Variants in GRIP1 observed in about 807,000 individuals in gnomAD.
GRIP1 encodes the protein glutamate receptor-interacting protein 1.
In GRIP1, 45 loss-of-function variants were observed where a neutral mutation model predicts 129.9. The observed-to-expected ratio is 0.35, with a 90% confidence interval of 0.27 to 0.44. GRIP1 has a LOEUF of 0.44. Among genes scored for constraint, GRIP1 ranks in the 20% least tolerant of loss-of-function variants. The pLI is 1.00. For missense variants in GRIP1, 1,196 were observed against 1,396.8 expected, an observed-to-expected ratio of 0.86 and a Z score of 2.29; for synonymous variants, 530 against 520.8, an observed-to-expected ratio of 1.02 and a Z score of -0.24.
At position 66,779,497 on chromosome 12, in the gene GRIP1, T is replaced by C. The variant is rs533198837; in HGVS notation, c.-420+24556A>G. 5.9e-5 allele frequency among the ~76,000 whole-genome samples: 9 copies of C among 152,354 alleles called. No individual in the cohort carries two copies. In the South Asian group the frequency reaches 1.7e-3, roughly 28 times the overall value. On this transcript the variant is annotated intron_variant, in intron 1 of 4. Transcript: ENST00000538373. ...GAAGACCTTCTGGGCATATTCCTCA[T>C]GAATGTCACACGTTTATTGTATCAA... is the stretch of plus-strand genomic sequence containing the variant.
intron 1 of GRIP1, among the ~76,000 whole-genome samples, chr12:67,059,140 G>A (rs984175702): frequency 2.0e-5 from 3 of 152,188 alleles, no homozygotes; most frequent in Non-Finnish European, 4.4e-5. Context: ...AAGACAGGTG[G>A]AACTGAGCAC....
intron 19 of GRIP1, among the ~76,000 whole-genome samples, chr12:66,388,516 G>C (rs1020070918): frequency 2.0e-5 from 3 of 152,194 alleles, no homozygotes; most frequent in African/African-American, 7.2e-5. Context: ...AAGTAAAGCA[G>C]TCATAGGGTT....
chr12:67,067,604 A>G lies in GRIP1; in HGVS notation c.58+1446T>C, dbSNP rs146269991. Among the ~76,000 whole-genome samples the G allele has an allele frequency of 6.2e-3, 940 of 152,330 alleles. 11 individuals carry two copies. Among genetic ancestry groups the G allele is most frequent in the African/African-American group, 0.02 (851 of 41,578 alleles). Reference sequence around the variant, plus strand: ...AAAGTGTGCTGGAAAATGAATGCACATATCTAATAAGGAGGTGCTTAAAAA... The same window carrying G: ...AAAGTGTGCTGGAAAATGAATGCACGTATCTAATAAGGAGGTGCTTAAAAA... On this transcript the variant is annotated intron_variant, in intron 1 of 1. Transcript: ENST00000643019.
At chr12:66,589,760 G>A (rs74411262) in intron 2 of GRIP1, among the ~76,000 whole-genome samples, 2,218 of 152,168 alleles carry the variant, frequency 0.015, 62 homozygotes, top group African/African-American at 0.051. Flanking sequence ...CAAAAATCAT[G>A]AGGATGACAT....
At chr12:66,677,614 A>G (rs981217427) in intron 1 of GRIP1, among the ~76,000 whole-genome samples, 2 of 152,138 alleles carry the variant, frequency 1.3e-5, no homozygotes, top group African/African-American at 4.8e-5. Context: ...TAAAATGTAT[A>G]ATCTTCCCTA....
At chr12:66,743,722 T>C (rs1263903169) in intron 1 of GRIP1, among the ~76,000 whole-genome samples, 1 of 152,030 alleles carries the variant, frequency 6.6e-6, no homozygotes, top group Non-Finnish European at 1.5e-5. Context: ...CATTATCCAA[T>C]AAAGCCAGAC....
At chr12:66,995,386 T>C (rs1425713594) in intron 1 of GRIP1, among the ~76,000 whole-genome samples, 1 of 152,034 alleles carries the variant, frequency 6.6e-6, no homozygotes, top group East Asian at 1.9e-4. Context: ...CTTCAAAGGA[T>C]ACCATCAATA....
intron 1 of GRIP1, among the ~76,000 whole-genome samples, chr12:66,691,880 C>T (rs2034994495): frequency 6.6e-6 from 1 of 152,104 alleles, no homozygotes; most frequent in Non-Finnish European, 1.5e-5. Context: ...GCACCAACCG[C>T]TAAGACCCAC....
intron 1 of GRIP1, among the ~76,000 whole-genome samples, chr12:66,603,070 G>A (rs1048620512): frequency 6.6e-6 from 1 of 150,676 alleles, no homozygotes; most frequent in Non-Finnish European, 1.5e-5. Context: ...ATGTTGCCCA[G>A]GCTGGTCTCA....
rs922028515 is a variant in GRIP1, at chr12:66,622,945, A to G, written c.56-26018T>C. 2.6e-5 allele frequency among the ~76,000 whole-genome samples: 4 copies of G among 152,174 alleles called. No homozygotes were observed. In the East Asian group the frequency reaches 7.7e-4, roughly 29 times the overall value. ...TATGTTGTTTACTACAAGATTTACT[A>G]TACAGAATTACTGTTTACTTAGCTG... On this transcript the variant is annotated intron_variant, in intron 1 of 24. Transcript: ENST00000359742.
At chr12:66,949,760 CTTTTTTTTTT>C (rs781123585) in intron 1 of GRIP1, among the ~76,000 whole-genome samples, 1 of 85,424 alleles carries the variant, frequency 1.2e-5, no homozygotes, top group Non-Finnish European at 2.2e-5. Flanking sequence ...CATGCTCCTC[CTTTTTTTTTT>C]TTTTTTTTTT....
At chr12:67,019,252 C>A (rs2042831150) in intron 1 of GRIP1, among the ~76,000 whole-genome samples, 1 of 152,148 alleles carries the variant, frequency 6.6e-6, no homozygotes, top group African/African-American at 2.4e-5. Flanking sequence ...ACAGGCAGTC[C>A]AAGAATCTGC....
At position 66,836,259 on chromosome 12, in the gene GRIP1, T is replaced by C. The variant is rs1487590500; in HGVS notation, c.58+232791A>G. Among the ~76,000 whole-genome samples, 7 of 152,124 alleles carry C rather than the reference T, an allele frequency of 4.6e-5. 1 individual carries two copies. The East Asian group carries it at 1.2e-3, about 25-fold the overall frequency. ...CTCAAAACTCAGCATCTCTAAATGC[T>C]TGGAGAAGAGTTCAAGCCCAGGAAC... On this transcript the variant is annotated intron_variant, in intron 1 of 1. Coordinates refer to the GRIP1 transcript ENST00000643019.
chr12:66,913,508 C>T (rs2137322992), intron 1 of GRIP1, among the ~76,000 whole-genome samples: 1 of 152,312 alleles, frequency 6.6e-6, no homozygotes, highest in African/African-American at 2.4e-5. Flanking sequence ...GATCTTCCAA[C>T]TGAAATTAAC....
At chr12:66,997,652 G>C (rs1223257975) in intron 1 of GRIP1, among the ~76,000 whole-genome samples, 1 of 152,148 alleles carries the variant, frequency 6.6e-6, no homozygotes, top group Non-Finnish European at 1.5e-5. Context: ...TCCTGGCTAT[G>C]AATAATGGAT....
At chr12:66,714,187 G>C (rs7961671) in intron 1 of GRIP1, among the ~76,000 whole-genome samples, 53,692 of 151,816 alleles carry the variant, frequency 0.35, 9,920 homozygotes, top group Non-Finnish European at 0.4. Context: ...ATTTCAGTTT[G>C]GTCTGATTTA....
chr12:66,836,461 T>C (rs976159033), intron 1 of GRIP1, among the ~76,000 whole-genome samples: 12 of 152,178 alleles, frequency 7.9e-5, no homozygotes, highest in African/African-American at 2.9e-4. Context: ...ATACATCTTT[T>C]AAAATAGGCC....
At chr12:66,387,065 G>A (rs2056388534) in intron 19 of GRIP1, among the ~76,000 whole-genome samples, 1 of 152,206 alleles carries the variant, frequency 6.6e-6, no homozygotes, top group Non-Finnish European at 1.5e-5. Flanking sequence ...CAAATGGGAA[G>A]GGGGTGGTGG....
chr12:66,793,035 G>T (rs1296696839), intron 1 of GRIP1, among the ~76,000 whole-genome samples: 1 of 152,070 alleles, frequency 6.6e-6, no homozygotes, highest in Non-Finnish European at 1.5e-5. Context: ...CTTAGCAATA[G>T]AAAATATAAA....
Sources: gnomAD v4.1 joint callset for allele counts (sites outside exome capture counted in the v4.1 genomes callset) on GRCh38, gnomAD v4.1.1 for gene constraint, MANE v1.5 for transcripts, NCBI Gene and HGNC (gene_info 2026-07-23, HGNC 2026-07-21) for gene names.